Variants in RANBP2 observed in about 807,000 individuals in gnomAD.
RANBP2 encodes the protein E3 SUMO-protein ligase RanBP2.
A neutral mutation model predicts 303.6 loss-of-function variants in RANBP2; 57 were observed. That is an observed-to-expected ratio of 0.19 (90% CI 0.15 to 0.23). RANBP2 has a LOEUF of 0.23. Ranked by LOEUF, RANBP2 falls within the 10% of genes least tolerant of loss-of-function variation. The pLI, the probability that RANBP2 is intolerant of heterozygous loss-of-function variation, is 1.00. For missense variants in RANBP2, 3,138 were observed against 3,780.8 expected (o/e 0.83, Z 4.46); for synonymous variants, 1,167 against 1,301.5 (o/e 0.90, Z 2.23).
the RANBP2 span, among the ~76,000 whole-genome samples, chr2:109,270,279 C>G: frequency 3.2e-4 from 49 of 152,280 alleles, no homozygotes; most frequent in African/African-American, 1.2e-3. Context: ...TAAGGCGAGT[C>G]TGTGGTTGCC....
At chr2:108,951,213 T>C in the RANBP2 span, among the ~76,000 whole-genome samples, 3 of 152,248 alleles carry the variant, frequency 2.0e-5, no homozygotes, top group Admixed American at 6.5e-5. Context: ...GTTTCCCCTA[T>C]AGCAGCTGTG....
At chr2:109,535,238 CCTT>C in the RANBP2 span, among the ~76,000 whole-genome samples, 34 of 152,310 alleles carry the variant, frequency 2.2e-4, no homozygotes, top group East Asian at 6.2e-3. Context: ...CTTTATCCCT[CCTT>C]TATTTCTAAA....
chr2:109,564,847 ATT>A, the RANBP2 span, among the ~76,000 whole-genome samples: 4 of 152,358 alleles, frequency 2.6e-5, no homozygotes, highest in East Asian at 7.7e-4. Flanking sequence ...TCACACTAAT[ATT>A]TTGTTAGCAG....
chr2:108,728,298 GTATT>G (rs1558872982), intron 1 of RANBP2, among the ~76,000 whole-genome samples: 1 of 152,036 alleles, frequency 6.6e-6, no homozygotes, highest in African/African-American at 2.4e-5. Flanking sequence ...TGTATGTTAT[GTATT>G]TATTATTTAG....
At chr2:109,696,510 A>G in the RANBP2 span, among the ~76,000 whole-genome samples, 1 of 152,230 alleles carries the variant, frequency 6.6e-6, no homozygotes, top group Non-Finnish European at 1.5e-5. Flanking sequence ...CCGTTGATTT[A>G]CATGCCTACT....
At chr2:108,821,022 A>AG in the RANBP2 span, among the ~76,000 whole-genome samples, 1 of 151,908 alleles carries the variant, frequency 6.6e-6, no homozygotes. Flanking sequence ...AAGTATTAAA[A>AG]AAAACTGTAA....
the RANBP2 span, among the ~76,000 whole-genome samples, chr2:109,000,386 G>A: frequency 6.6e-6 from 1 of 152,048 alleles, no homozygotes; most frequent in East Asian, 1.9e-4. Flanking sequence ...AATTAGCCAG[G>A]CATAATGGTG....
the RANBP2 span, among the ~76,000 whole-genome samples, chr2:109,595,647 G>A: frequency 4.6e-5 from 7 of 152,032 alleles, no homozygotes; most frequent in Non-Finnish European, 8.8e-5. Flanking sequence ...GAAATTTAAG[G>A]TAGAAAAAAA....
the RANBP2 span, among the ~76,000 whole-genome samples, chr2:109,549,962 C>T: frequency 1.3e-5 from 2 of 152,066 alleles, no homozygotes; most frequent in African/African-American, 4.8e-5. Flanking sequence ...GACTACTGTA[C>T]AATGCTGTAT....
chr2:108,777,066 TG>T (rs58272304), intron 24 of RANBP2, 63 bp from the exon 25 acceptor site: 1,419,892 of 1,422,588 alleles, frequency 1, 708,662 homozygotes, highest in East Asian at 1. Context: ...CTCTAGGTCC[TG>T]GGGTAAAGCT....
chr2:109,612,992 G>A, the RANBP2 span: 4 of 458,134 alleles, frequency 8.7e-6, no homozygotes, highest in Non-Finnish European at 1.7e-5. Flanking sequence ...AGCCTCCAAA[G>A]AGCTTTTGTT....
the RANBP2 span, chr2:108,896,660 T>G: frequency 3.8e-6 from 2 of 530,460 alleles, no homozygotes; most frequent in Non-Finnish European, 6.8e-6. Context: ...GCTGTATGAG[T>G]GAGTAGATAT....
chr2:109,579,139 C>T, the RANBP2 span, among the ~76,000 whole-genome samples: 2 of 152,118 alleles, frequency 1.3e-5, no homozygotes, highest in African/African-American at 2.4e-5. Flanking sequence ...ATTAAGAGTA[C>T]ATTATCAATA....
At chr2:108,721,904 G>A (rs1343921158) in intron 1 of RANBP2, among the ~76,000 whole-genome samples, 1 of 151,560 alleles carries the variant, frequency 6.6e-6, no homozygotes, top group East Asian at 1.9e-4. Flanking sequence ...ACCATGCCCG[G>A]CTTTTTTCTT....
intron 1 of RANBP2, among the ~76,000 whole-genome samples, chr2:108,720,840 G>A (rs1200767582): frequency 6.6e-6 from 1 of 152,220 alleles, no homozygotes; most frequent in South Asian, 2.1e-4. Context: ...GAGGTCAGGA[G>A]TTCGTGACCA....
rs757384021 is a variant in RANBP2 at position 108,783,729 on chromosome 2, A to G, written c.9503A>G (p.Asn3168Ser). 3.1e-6 allele frequency: 5 copies of G among 1,613,104 alleles called. No homozygotes were observed. The highest frequency in any genetic ancestry group is 1.1e-5 in the South Asian group (1 of 91,074). Residue 3168 changes from asparagine (N) to serine (S), a missense_variant, in exon 29 of 29, where the codon AAT becomes AGT. Physicochemically the swap from Asn to Ser is conservative, Grantham distance 46 (BLOSUM62 1). Around this residue, in one of 20 missense-constraint regions of RANBP2, gnomAD observed 204 missense variants for 228.4 expected, o/e 0.89. Transcript: ENST00000283195. ...LSMANQGQNT[N>S]NSQFVITLKK... is the part of the protein sequence containing the mutation. Reference sequence around the variant, plus strand: ...ATGGCCAATCAAGGCCAGAATACCAATAATTCTCAATTTGTTATAACACTG... The same window carrying G: ...ATGGCCAATCAAGGCCAGAATACCAGTAATTCTCAATTTGTTATAACACTG...
chr2:109,678,148 T>A, the RANBP2 span, among the ~76,000 whole-genome samples: 1 of 152,240 alleles, frequency 6.6e-6, no homozygotes, highest in Non-Finnish European at 1.5e-5. Flanking sequence ...ACCAAGCAAT[T>A]CTTACAGCAA....
the RANBP2 span, among the ~76,000 whole-genome samples, chr2:109,427,265 G>C: frequency 2.0e-5 from 3 of 152,026 alleles, no homozygotes; most frequent in African/African-American, 4.8e-5. Flanking sequence ...CACCGTGCCT[G>C]GACAAAGAAA....
At chr2:108,981,948 C>T in the RANBP2 span, among the ~76,000 whole-genome samples, 6 of 152,204 alleles carry the variant, frequency 3.9e-5, no homozygotes, top group Non-Finnish European at 7.3e-5. Context: ...TTATTGAATA[C>T]CTACTGTGTG....
Sources: allele counts gnomAD v4.1 joint callset (sites outside exome capture counted in the v4.1 genomes callset), GRCh38; gene constraint gnomAD v4.1.1; regional missense constraint gnomAD v4.1.1; transcripts MANE v1.5; gene names NCBI Gene and HGNC (gene_info 2026-07-23, HGNC 2026-07-21).